Variants in SOX5 observed in about 807,000 individuals in gnomAD.
SOX5 encodes SRY-box transcription factor 5, also known as transcription factor SOX-5.
In SOX5, 9 loss-of-function variants were observed where a neutral mutation model predicts 92.0. That is an observed-to-expected ratio of 0.10 (90% CI 0.06 to 0.17). The LOEUF (loss-of-function observed/expected upper bound fraction) is 0.17, where lower values mean the gene tolerates loss of function less well. SOX5 is among the 10% of genes least tolerant of loss of function. The probability of loss-of-function intolerance (pLI) is 1.00; values close to 1 mark genes in which losing one functional copy is unlikely to be tolerated. For synonymous variants in SOX5, 344 were observed against 336.3 expected (o/e 1.02, Z -0.25); for missense variants, 642 against 944.5 (o/e 0.68, Z 4.20).
intron 11 of SOX5, among the ~76,000 whole-genome samples, chr12:23,559,614 C>T (rs1238898214): frequency 6.6e-6 from 1 of 152,098 alleles, no homozygotes; most frequent in African/African-American, 2.4e-5. Flanking sequence ...TTTCACTGTC[C>T]AATTACAGCT....
At chr12:24,313,313 AG>A (rs1949376277) in intron 2 of SOX5, among the ~76,000 whole-genome samples, 1 of 152,162 alleles carries the variant, frequency 6.6e-6, no homozygotes, top group East Asian at 1.9e-4. Context: ...GGATAGCTTG[AG>A]GCCAGGAGTT....
rs528912398 is a variant in SOX5 at position 24,179,371 on chromosome 12, T to C, written c.-2+33972A>G. Among the ~76,000 whole-genome samples, 217 of 152,316 alleles carry C rather than the reference T, an allele frequency of 1.4e-3. 2 individuals are homozygous for C. The highest frequency in any genetic ancestry group is 5.0e-3 in the African/African-American group (207 of 41,582). On this transcript the variant is annotated intron_variant, in intron 4 of 4. Coordinates refer to the SOX5 transcript ENST00000446891. ...GGCTTTACCACAGTACAAAATGATA[T>C]GCATTCAATAGAAATCATACTTTGA...
chr12:23,663,224 T>C (rs2083306188), intron 7 of SOX5, among the ~76,000 whole-genome samples: 1 of 152,202 alleles, frequency 6.6e-6, no homozygotes, highest in Non-Finnish European at 1.5e-5. Context: ...GTTTCAAGCT[T>C]GCCAGCAGCT....
chr12:24,465,402 A>G (rs909955317), intron 1 of SOX5, among the ~76,000 whole-genome samples: 3 of 152,232 alleles, frequency 2.0e-5, no homozygotes, highest in African/African-American at 7.2e-5. Flanking sequence ...ATTATATGCA[A>G]TTTAAGAGAT....
chr12:23,688,974 AT>A (rs2088198332), intron 6 of SOX5, among the ~76,000 whole-genome samples: 6 of 152,140 alleles, frequency 3.9e-5, no homozygotes, highest in Admixed American at 1.3e-4. Flanking sequence ...CAATTCCAAT[AT>A]TTCACAAGCA....
At chr12:23,783,093 C>T (rs1052632757) in intron 3 of SOX5, among the ~76,000 whole-genome samples, 1 of 152,106 alleles carries the variant, frequency 6.6e-6, no homozygotes, top group Non-Finnish European at 1.5e-5. Flanking sequence ...TCTCTTATAT[C>T]ATGTTGATTC....
At chr12:23,871,647 AAAAT>A (rs751166300) in intron 2 of SOX5, among the ~76,000 whole-genome samples, 9 of 152,214 alleles carry the variant, frequency 5.9e-5, no homozygotes, top group South Asian at 2.1e-4. Flanking sequence ...TTTTTCCGTA[AAAAT>A]AAATAAATAA....
intron 6 of SOX5, among the ~76,000 whole-genome samples, chr12:23,680,344 A>G (rs998149144): frequency 5.3e-5 from 8 of 150,430 alleles, no homozygotes; most frequent in Admixed American, 1.3e-4. Flanking sequence ...AAAAAAAAAA[A>G]AAAGAAAAAT....
intron 6 of SOX5, among the ~76,000 whole-genome samples, chr12:23,672,490 T>C (rs568476818): frequency 2.0e-5 from 3 of 152,222 alleles, no homozygotes; most frequent in South Asian, 4.2e-4. Context: ...ACAAACTCAA[T>C]TTGTATAAAG....
In SOX5 at chr12:23,604,308, A is replaced by C; in HGVS notation, c.1164+79T>G. The C allele has an allele frequency of 2.0e-6, 3 of 1,495,022 alleles. No homozygotes were observed. In the African/African-American group the frequency reaches 4.1e-5, roughly 21 times the overall value. The allele number at this position is 1,495,022 out of a possible 1,614,324, so 92.6% of individuals were successfully genotyped here. A position where few individuals can be genotyped will look rare whatever the true frequency, so the allele number is the denominator to read the frequency against. Reference sequence around the variant, plus strand: ...CCCAGAGTTTAAGCTAGCTGCTGGCATACAATAGACATTTAATAAATACCA... The same window carrying C: ...CCCAGAGTTTAAGCTAGCTGCTGGCCTACAATAGACATTTAATAAATACCA... On this transcript the variant is annotated intron_variant, in intron 9 of 14. Transcript: ENST00000451604.
chr12:24,209,223 T>C (rs763566606), intron 4 of SOX5, among the ~76,000 whole-genome samples: 7 of 152,162 alleles, frequency 4.6e-5, no homozygotes, highest in Non-Finnish European at 7.3e-5. Context: ...AACTAACTCT[T>C]ATGGGAGTGG....
chr12:24,162,599 C>A (rs983019884), intron 4 of SOX5, among the ~76,000 whole-genome samples: 3 of 152,036 alleles, frequency 2.0e-5, no homozygotes, highest in African/African-American at 7.2e-5. Flanking sequence ...AGGAAAAAAC[C>A]GTGGCTTACA....
chr12:23,856,966 T>G (rs758968253), intron 2 of SOX5, among the ~76,000 whole-genome samples: 21 of 152,292 alleles, frequency 1.4e-4, no homozygotes, highest in Non-Finnish European at 3.1e-4. Flanking sequence ...GTTATTAATG[T>G]TCCATAAATT....
intron 4 of SOX5, among the ~76,000 whole-genome samples, chr12:23,752,118 A>T (rs1274291190): frequency 1.3e-5 from 2 of 151,240 alleles, no homozygotes; most frequent in Non-Finnish European, 3.0e-5. Context: ...AACTCTTGAA[A>T]TAAGGCAGGT....
rs1182462748 is a variant in SOX5 at position 24,348,049 on chromosome 12, CAAAAAAAAAAAAAAAAA to C, written c.-174+20497_-174+20513del. Among the ~76,000 whole-genome samples the C allele has an allele frequency of 2.2e-3, 161 of 72,738 alleles. 1 individual carries two copies. The South Asian group carries it at 0.028, about 13-fold the overall frequency. 47.7% of individuals were successfully genotyped at this position (72,738 alleles called of 152,430 possible). ...TTTCTTCAGAGATAATACAGCTAAT[CAAAAAAAAAAAAAAAAA>C]AAAACAGAAATTCACCAAGTTAACA... On this transcript the variant is annotated intron_variant, in intron 2 of 4. Coordinates refer to the SOX5 transcript ENST00000446891.
chr12:24,294,583 T>G lies in SOX5; in HGVS notation c.-173-17271A>C, dbSNP rs7138753. Among the ~76,000 whole-genome samples the G allele has an allele frequency of 3.9e-3, 592 of 152,276 alleles. 3 individuals carry two copies. The highest frequency in any genetic ancestry group is 0.014 in the African/African-American group (578 of 41,562). ...CTTTCTACCTCTCACATGTGGTACA[T>G]GGAATGGAGTCACCAAAATGCACAG... is the stretch of plus-strand genomic sequence containing the variant. On this transcript the variant is annotated intron_variant, in intron 2 of 4. Transcript: ENST00000446891.
chr12:24,147,193 G>C (rs1489449824), intron 4 of SOX5, among the ~76,000 whole-genome samples: 1 of 152,080 alleles, frequency 6.6e-6, no homozygotes, highest in Non-Finnish European at 1.5e-5. Context: ...GCTGACCAAT[G>C]ACTCATGAAC....
In SOX5 at chr12:23,935,080, G is replaced by A. The variant is rs111311266; in HGVS notation, c.38+14484C>T. On this transcript the variant is annotated intron_variant, in intron 1 of 14. Transcript: ENST00000451604. Reference sequence around the variant, plus strand: ...ATCCATGGATCAAGCCTACATTAACGCATATTCATCCATCAGTAAAACTGA... The same window carrying A: ...ATCCATGGATCAAGCCTACATTAACACATATTCATCCATCAGTAAAACTGA... 7.1e-3 allele frequency among the ~76,000 whole-genome samples: 1,080 copies of A among 151,286 alleles called. 10 individuals are homozygous for A. The highest frequency in any genetic ancestry group is 0.025 in the African/African-American group (1,034 of 41,428).
At chr12:23,660,783 G>A (rs1214184070) in intron 7 of SOX5, among the ~76,000 whole-genome samples, 1 of 151,758 alleles carries the variant, frequency 6.6e-6, no homozygotes, top group Non-Finnish European at 1.5e-5. Context: ...AGGCACCATT[G>A]ATGGTTCAAT....
Sources: allele counts gnomAD v4.1 joint callset (sites outside exome capture counted in the v4.1 genomes callset), GRCh38; gene constraint gnomAD v4.1.1; transcripts MANE v1.5; gene names NCBI Gene and HGNC (gene_info 2026-07-23, HGNC 2026-07-21).